The following SGCZ variants were observed in gnomAD, a reference collection of about 807,000 sequenced individuals.
SGCZ encodes the protein zeta-sarcoglycan.
SGCZ carries 40 observed loss-of-function variants against 41.3 expected under a neutral mutation model. The ratio of observed to expected loss-of-function variants is 0.97; its 90% CI spans 0.75 to 1.26. The LOEUF is 1.26. Ranked by LOEUF, SGCZ falls within the 50% of genes most tolerant of loss-of-function variation. The pLI, the probability that SGCZ is intolerant of heterozygous loss-of-function variation, is 0.00. For missense variants in SGCZ, 552 were observed against 369.8 expected (o/e 1.49, Z -4.04); for synonymous variants, 206 against 137.5 (o/e 1.50, Z -3.49).
chr8:14,919,795 G>C (rs1799538877), intron 1 of SGCZ, among the ~76,000 whole-genome samples: 1 of 151,834 alleles, frequency 6.6e-6, no homozygotes, highest in African/African-American at 2.4e-5. Context: ...GTGCACGCTT[G>C]TAATCCCAGC....
chr8:14,605,594 C>G (rs1479702912), intron 1 of SGCZ, among the ~76,000 whole-genome samples: 2 of 152,154 alleles, frequency 1.3e-5, no homozygotes, highest in Non-Finnish European at 2.9e-5. Context: ...AACCAACATT[C>G]TAGTCTCTAT....
At chr8:14,789,013 C>T (rs1013218262) in intron 1 of SGCZ, among the ~76,000 whole-genome samples, 4 of 152,000 alleles carry the variant, frequency 2.6e-5, no homozygotes, top group Non-Finnish European at 5.9e-5. Flanking sequence ...TTCGAAAACA[C>T]CTTATTTAAT....
At chr8:15,164,098 C>A (rs1280229739) in intron 1 of SGCZ, among the ~76,000 whole-genome samples, 1 of 152,232 alleles carries the variant, frequency 6.6e-6, no homozygotes, top group Non-Finnish European at 1.5e-5. Context: ...AAAACCCTAT[C>A]TCACTCACCA....
At chr8:14,382,502 T>C (rs1024134952) in intron 2 of SGCZ, among the ~76,000 whole-genome samples, 7 of 151,966 alleles carry the variant, frequency 4.6e-5, no homozygotes, top group African/African-American at 1.7e-4. Flanking sequence ...GATGATTATA[T>C]ATGAGTCAGC....
At chr8:14,602,411 C>A (rs1020471043) in intron 1 of SGCZ, among the ~76,000 whole-genome samples, 1 of 151,534 alleles carries the variant, frequency 6.6e-6, no homozygotes, top group African/African-American at 2.4e-5. Context: ...AATTGGGAGG[C>A]CGAGGTGGGA....
intron 5 of SGCZ, among the ~76,000 whole-genome samples, chr8:14,157,351 T>A (rs940951403): frequency 1.5e-5 from 2 of 131,430 alleles, no homozygotes; most frequent in African/African-American, 5.7e-5. Flanking sequence ...TGTGTGTGTG[T>A]GTGTGTGTGT....
intron 2 of SGCZ, among the ~76,000 whole-genome samples, chr8:14,475,800 A>T (rs1315639052): frequency 1.3e-5 from 2 of 152,200 alleles, no homozygotes; most frequent in African/African-American, 4.8e-5. Context: ...TAGTTCAAAT[A>T]GTACAATGTT....
At chr8:14,792,226 TATAAC>T (rs1800978751) in intron 1 of SGCZ, among the ~76,000 whole-genome samples, 1 of 152,260 alleles carries the variant, frequency 6.6e-6, no homozygotes. Flanking sequence ...GTTTTACGGT[TATAAC>T]ATATGTGATT....
intron 2 of SGCZ, among the ~76,000 whole-genome samples, chr8:14,484,698 T>C (rs1801626188): frequency 6.6e-6 from 1 of 152,188 alleles, no homozygotes; most frequent in African/African-American, 2.4e-5. Context: ...AAAAGAATTA[T>C]TGTTTGAATC....
chr8:14,455,100 G>A (rs1055894080), intron 2 of SGCZ, among the ~76,000 whole-genome samples: 1 of 151,978 alleles, frequency 6.6e-6, no homozygotes, highest in Non-Finnish European at 1.5e-5. Flanking sequence ...TAATAAGAGG[G>A]AGAAAATATA....
intron 1 of SGCZ, among the ~76,000 whole-genome samples, chr8:15,144,755 C>A (rs890946116): frequency 1.3e-5 from 2 of 152,176 alleles, no homozygotes; most frequent in African/African-American, 4.8e-5. Context: ...CGGCGCCCAG[C>A]CAACATTCAC....
At chr8:14,309,034 G>C in intron 3 of SGCZ, 1 of 1,253,198 alleles carries the variant, frequency 8.0e-7, no homozygotes, top group Admixed American at 2.2e-5. Context: ...AAATGAAACC[G>C]GAAGCCTCCC....
intron 2 of SGCZ, among the ~76,000 whole-genome samples, chr8:14,479,731 CTTTTTTTTTTTT>C (rs529812029): frequency 3.8e-5 from 2 of 52,976 alleles, no homozygotes; most frequent in African/African-American, 1.0e-4. Context: ...AATTCTACTT[CTTTTTTTTTTTT>C]TTTTTTTTTT....
chr8:14,514,367 T>C (rs1377062464), intron 2 of SGCZ, among the ~76,000 whole-genome samples: 1 of 152,052 alleles, frequency 6.6e-6, no homozygotes, highest in Non-Finnish European at 1.5e-5. Context: ...AACAAACTAC[T>C]TAATTTCCTT....
chr8:14,838,125 G>A (rs551450757), intron 1 of SGCZ, among the ~76,000 whole-genome samples: 1 of 152,228 alleles, frequency 6.6e-6, no homozygotes, highest in East Asian at 1.9e-4. Flanking sequence ...CTCATATGCG[G>A]GATAGAGAGA....
At chr8:14,517,524 T>C (rs1802658991) in intron 2 of SGCZ, among the ~76,000 whole-genome samples, 1 of 152,062 alleles carries the variant, frequency 6.6e-6, no homozygotes, top group Non-Finnish European at 1.5e-5. Context: ...AACTTTGTAT[T>C]ATTAAATCTA....
intron 1 of SGCZ, among the ~76,000 whole-genome samples, chr8:14,636,907 T>C (rs953701092): frequency 6.6e-6 from 1 of 151,892 alleles, no homozygotes; most frequent in African/African-American, 2.4e-5. Flanking sequence ...ACTAAATCTA[T>C]CAAACCTTTT....
rs143977074 is a variant in SGCZ, at chr8:14,990,498, G to A, written c.39+247087C>T. Among the ~76,000 whole-genome samples the A allele has an allele frequency of 1.1e-4, 16 of 152,066 alleles. No individual in the cohort carries two copies. The East Asian group carries it at 2.1e-3, about 20-fold the overall frequency. ...CACAGCATTAGATTCGTATTGGAGC[G>A]CAAACTCCATTGCCAACTGAGCATG... On this transcript the variant is annotated intron_variant, in intron 1 of 7. Coordinates refer to ENST00000382080, the MANE Select transcript of SGCZ (RefSeq NM_139167.4).
In SGCZ at chr8:14,496,844, A is replaced by G. The variant is rs943079695; in HGVS notation, c.234+57888T>C. Among the ~76,000 whole-genome samples, 26 of 152,320 alleles carry G rather than the reference A, an allele frequency of 1.7e-4. No homozygotes were observed. In the South Asian group the frequency reaches 3.5e-3, roughly 21 times the overall value. On this transcript the variant is annotated intron_variant, in intron 2 of 7. Transcript: ENST00000382080. ...TGTGTGTGTATAAACAAGAGTGTAT[A>G]CATTTTTCTTAAAGAGTATTATGAT...
Sources: allele counts gnomAD v4.1 joint callset (sites outside exome capture counted in the v4.1 genomes callset), GRCh38; gene constraint gnomAD v4.1.1; transcripts MANE v1.5; gene names NCBI Gene and HGNC (gene_info 2026-07-23, HGNC 2026-07-21).